The following SPAG16 variants were observed in gnomAD, a reference collection of about 807,000 sequenced individuals.
The protein encoded by SPAG16 is sperm associated antigen 16.
In SPAG16, 86 loss-of-function variants were observed where a neutral mutation model predicts 80.4. The ratio of observed to expected loss-of-function variants is 1.07; its 90% CI spans 0.90 to 1.28. The LOEUF (loss-of-function observed/expected upper bound fraction) is 1.28. SPAG16 is among the 50% of genes most tolerant of loss of function. The pLI, the probability that SPAG16 is intolerant of heterozygous loss-of-function variation, is 0.00. For missense variants in SPAG16, 870 were observed against 765.3 expected (o/e 1.14, Z -1.61); for synonymous variants, 294 against 265.9 (o/e 1.11, Z -1.03).
chr2:214,197,690 A>T (rs141410090), intron 15 of SPAG16, among the ~76,000 whole-genome samples: 1 of 152,002 alleles, frequency 6.6e-6, no homozygotes, highest in African/African-American at 2.4e-5. Context: ...TTTTTGTTTC[A>T]TCAGAGTTCT....
At chr2:214,126,165 G>A (rs1446698613) in intron 14 of SPAG16, among the ~76,000 whole-genome samples, 1 of 149,672 alleles carries the variant, frequency 6.7e-6, no homozygotes, top group Non-Finnish European at 1.5e-5. Flanking sequence ...AAGAGATGGA[G>A]TGAGCTTGCT....
intron 9 of SPAG16, among the ~76,000 whole-genome samples, chr2:213,383,253 ATAT>A (rs1395376137): frequency 1.3e-5 from 2 of 152,158 alleles, no homozygotes; most frequent in South Asian, 2.1e-4. Context: ...AAATACAAAG[ATAT>A]TATTGTTGCT....
chr2:213,695,110 A>G (rs565821361), intron 10 of SPAG16, among the ~76,000 whole-genome samples: 6 of 152,276 alleles, frequency 3.9e-5, no homozygotes, highest in South Asian at 2.1e-4. Context: ...ATCAAATTTG[A>G]TTAGACCTCA....
chr2:213,675,943 G>C (rs1167708992), intron 10 of SPAG16, among the ~76,000 whole-genome samples: 1 of 152,076 alleles, frequency 6.6e-6, no homozygotes, highest in East Asian at 1.9e-4. Context: ...GTAGCTTGAT[G>C]GGGATGGCAT....
intron 15 of SPAG16, among the ~76,000 whole-genome samples, chr2:214,179,363 G>A (rs2057236230): frequency 6.6e-6 from 1 of 151,224 alleles, no homozygotes; most frequent in Non-Finnish European, 1.5e-5. Flanking sequence ...GCACTGTGGT[G>A]CTGAAACCCC....
chr2:213,979,406 C>T lies in SPAG16; in HGVS notation c.1401-34545C>T, dbSNP rs771651585. The stretch of plus-strand genomic sequence containing the variant: ...TTTCCTACTGCTATAAAGAACTGCC[C>T]GTGACTGGGTAATTTATAAAGGAAA... On this transcript the variant is annotated intron_variant, in intron 12 of 15. Coordinates refer to ENST00000331683, the MANE Select transcript of SPAG16 (RefSeq NM_024532.5). 6.5e-4 allele frequency among the ~76,000 whole-genome samples: 99 copies of T among 151,958 alleles called. 1 individual carries two copies. The highest frequency in any genetic ancestry group is 3.4e-4 in the Non-Finnish European group (23 of 67,978).
chr2:213,972,956 T>A (rs560890057), intron 12 of SPAG16, among the ~76,000 whole-genome samples: 28 of 152,272 alleles, frequency 1.8e-4, no homozygotes, highest in East Asian at 5.8e-4. Flanking sequence ...GATATAGATT[T>A]TCTTGAATTC....
At chr2:213,932,062 C>A (rs1038254507) in intron 12 of SPAG16, among the ~76,000 whole-genome samples, 7 of 150,054 alleles carry the variant, frequency 4.7e-5, no homozygotes, top group African/African-American at 1.7e-4. Flanking sequence ...GGCTTAGTTA[C>A]TTAAGGCAAG....
intron 10 of SPAG16, among the ~76,000 whole-genome samples, chr2:213,787,656 T>A (rs1253981775): frequency 6.6e-6 from 1 of 152,076 alleles, no homozygotes; most frequent in Non-Finnish European, 1.5e-5. Flanking sequence ...TTTTAAATTA[T>A]ATGAACAATT....
At chr2:214,117,361 C>G (rs919246702) in intron 14 of SPAG16, among the ~76,000 whole-genome samples, 5 of 152,118 alleles carry the variant, frequency 3.3e-5, no homozygotes, top group African/African-American at 1.2e-4. Context: ...GATCCTACAA[C>G]AGTTGCCTGT....
At chr2:213,523,165 G>A (rs891389396) in intron 10 of SPAG16, among the ~76,000 whole-genome samples, 1 of 152,080 alleles carries the variant, frequency 6.6e-6, no homozygotes, top group Non-Finnish European at 1.5e-5. Context: ...CAGTAACCCT[G>A]ATGCTGCTGT....
chr2:213,397,365 T>A (rs79086070), intron 9 of SPAG16, among the ~76,000 whole-genome samples: 3 of 152,222 alleles, frequency 2.0e-5, no homozygotes, highest in Non-Finnish European at 4.4e-5. Flanking sequence ...CAGATAAGTG[T>A]CCCCTTTGCT....
intron 15 of SPAG16, among the ~76,000 whole-genome samples, chr2:214,327,540 A>C (rs1397808225): frequency 6.6e-6 from 1 of 152,248 alleles, no homozygotes; most frequent in East Asian, 1.9e-4. Flanking sequence ...GAGTGTATTT[A>C]TTCAAACCTG....
At position 213,658,700 on chromosome 2, in the gene SPAG16, C is replaced by G. The variant is rs1303126689; in HGVS notation, c.1070+168610C>G. On this transcript the variant is annotated intron_variant, in intron 10 of 15. Transcript: ENST00000331683. ...TAACCATAACTGCCAGGAACTATGT[C>G]TCTAGAGAGGTGCTGGAGTGAAGAG... 2.6e-5 allele frequency among the ~76,000 whole-genome samples: 4 copies of G among 152,174 alleles called. No homozygotes were observed. The South Asian group carries it at 8.3e-4, about 31-fold the overall frequency.
chr2:213,449,224 C>T (rs963368705), intron 9 of SPAG16, among the ~76,000 whole-genome samples: 2 of 152,120 alleles, frequency 1.3e-5, no homozygotes, highest in East Asian at 3.9e-4. Flanking sequence ...AATTTGTGGT[C>T]AGACCGGTTC....
At chr2:214,150,100 T>C (rs1014382229) in intron 15 of SPAG16, among the ~76,000 whole-genome samples, 1 of 152,090 alleles carries the variant, frequency 6.6e-6, no homozygotes, top group Admixed American at 6.5e-5. Flanking sequence ...AGCAAAAACT[T>C]GATTTTAGGT....
intron 10 of SPAG16, among the ~76,000 whole-genome samples, chr2:213,597,540 GA>G (rs1198082143): frequency 1.3e-5 from 2 of 151,998 alleles, no homozygotes; most frequent in Non-Finnish European, 2.9e-5. Context: ...GAAATTTACT[GA>G]AACAAGATTT....
At chr2:213,685,959 G>A (rs952016318) in intron 10 of SPAG16, among the ~76,000 whole-genome samples, 1 of 152,172 alleles carries the variant, frequency 6.6e-6, no homozygotes, top group African/African-American at 2.4e-5. Context: ...TAGTTGGCAT[G>A]TAATATAATG....
chr2:213,425,883 T>A (rs2069883688), intron 9 of SPAG16, among the ~76,000 whole-genome samples: 1 of 152,134 alleles, frequency 6.6e-6, no homozygotes, highest in African/African-American at 2.4e-5. Flanking sequence ...CAGGGCTCCA[T>A]GGAGTAATAG....
Sources: gnomAD v4.1 joint callset for allele counts (sites outside exome capture counted in the v4.1 genomes callset) on GRCh38, gnomAD v4.1.1 for gene constraint, MANE v1.5 for transcripts, NCBI Gene and HGNC (gene_info 2026-07-23, HGNC 2026-07-21) for gene names.